The following ATF6 variants were observed in gnomAD, a reference collection of about 807,000 sequenced individuals.
ATF6 encodes the protein cyclic AMP-dependent transcription factor ATF-6 alpha.
ATF6 carries 53 observed loss-of-function variants against 83.6 expected under a neutral mutation model. That is an observed-to-expected ratio of 0.63 (90% CI 0.51 to 0.80). The LOEUF is 0.80. Ranked by LOEUF, ATF6 falls within the 30% of genes least tolerant of loss-of-function variation. The pLI is 0.00. For synonymous variants in ATF6, 288 were observed against 285.8 expected, an observed-to-expected ratio of 1.01 and a Z score of -0.08; for missense variants, 744 against 797.9, an observed-to-expected ratio of 0.93 and a Z score of 0.81.
Position 161,961,672 on chromosome 1 carries a change from G to A in ATF6, c.*3018G>A, listed in dbSNP as rs965730256. On this transcript the variant is annotated 3_prime_UTR_variant, in exon 16 of 16. Coordinates refer to ENST00000367942, the MANE Select transcript of ATF6 (RefSeq NM_007348.4). ...TATTTATTAAATTTTAAACAGGATT[G>A]TGCAAGCTTATGAGACAATTAGATA... 2 of 151,226 alleles carry A rather than the reference G, an allele frequency of 1.3e-5. No homozygotes were observed. Among genetic ancestry groups the A allele is most frequent in the African/African-American group, 2.4e-5 (1 of 41,148 alleles). The allele number at this position is 151,226 out of a possible 1,614,324, so 9.4% of individuals were successfully genotyped here. A position where few individuals can be genotyped will look rare whatever the true frequency, so the allele number is the denominator to read the frequency against.
intron 14 of ATF6, among the ~76,000 whole-genome samples, chr1:161,895,201 C>A (rs1687648912): frequency 6.6e-6 from 1 of 152,146 alleles, no homozygotes; most frequent in African/African-American, 2.4e-5. Context: ...CATGCCACTG[C>A]ACTCCAGCTT....
Position 161,928,619 on chromosome 1 carries a change from C to CT in ATF6, c.1804+16247dup, listed in dbSNP as rs77570576. 6.4e-3 allele frequency among the ~76,000 whole-genome samples: 888 copies of CT among 138,060 alleles called. 2 individuals carry two copies. Among genetic ancestry groups the CT allele is most frequent in the African/African-American group, 0.015 (575 of 39,620 alleles). The allele number at this position is 138,060 out of a possible 152,430, so 90.6% of individuals were successfully genotyped here. ...CCATGACATTTAAATATACAAAAGC[C>CT]TTTTTTTTAAAAAAAAAAGCATTTT... On this transcript the variant is annotated intron_variant, in intron 15 of 15. Transcript: ENST00000367942.
At chr1:161,912,212 T>C in intron 14 of ATF6, 84 bp from the exon 15 acceptor site, 1 of 768,224 alleles carries the variant, frequency 1.3e-6, no homozygotes, top group Non-Finnish European at 2.0e-6. Flanking sequence ...AACGAAATAT[T>C]GACCTCTTAG....
intron 3 of ATF6, 140 bp downstream of exon 3, chr1:161,782,139 A>G: frequency 1.7e-6 from 1 of 587,370 alleles, no homozygotes; most frequent in Non-Finnish European, 2.9e-6. Context: ...TACTTCTGGT[A>G]TGGCAATTAT....
intron 9 of ATF6, among the ~76,000 whole-genome samples, chr1:161,822,113 A>G (rs990573667): frequency 5.3e-5 from 8 of 152,192 alleles, no homozygotes; most frequent in Non-Finnish European, 8.8e-5. Context: ...TATTTTAAGT[A>G]TAGGAAGTTT....
At chr1:161,873,385 A>G (rs187441729) in intron 14 of ATF6, among the ~76,000 whole-genome samples, 6 of 151,672 alleles carry the variant, frequency 4.0e-5, no homozygotes, top group African/African-American at 1.4e-4. Context: ...ATGTCACAAA[A>G]CTTAATTATG....
intron 14 of ATF6, among the ~76,000 whole-genome samples, chr1:161,885,848 T>A (rs1236014833): frequency 6.6e-6 from 1 of 152,156 alleles, no homozygotes; most frequent in African/African-American, 2.4e-5. Flanking sequence ...AATCCAAAAT[T>A]TCATACTGGG....
intron 9 of ATF6, among the ~76,000 whole-genome samples, chr1:161,843,986 A>G (rs1276819052): frequency 6.6e-6 from 1 of 152,210 alleles, no homozygotes; most frequent in African/African-American, 2.4e-5. Flanking sequence ...TGGGATAGGA[A>G]GAGAAGCAAA....
chr1:161,912,712 A>G (rs1350185378), intron 15 of ATF6, among the ~76,000 whole-genome samples: 2 of 152,168 alleles, frequency 1.3e-5, no homozygotes, highest in Non-Finnish European at 2.9e-5. Context: ...GAATTTGTAA[A>G]TTAGATTTTT....
At chr1:161,890,030 CA>C (rs1437039441) in intron 14 of ATF6, among the ~76,000 whole-genome samples, 1 of 152,118 alleles carries the variant, frequency 6.6e-6, no homozygotes, top group Non-Finnish European at 1.5e-5. Flanking sequence ...TACACACATA[CA>C]AATTATTTTT....
rs144474784 is a variant in ATF6 at position 161,900,334 on chromosome 1, C to T, written c.1720-11962C>T. On this transcript the variant is annotated intron_variant, in intron 14 of 15. Coordinates refer to ENST00000367942, the MANE Select transcript of ATF6 (RefSeq NM_007348.4). Reference sequence around the variant, plus strand: ...TTTCGCTTAAAGAATTTATGGACGACGTGAGGAATAGTACTCAACTTTTGC... The same window carrying T: ...TTTCGCTTAAAGAATTTATGGACGATGTGAGGAATAGTACTCAACTTTTGC... Among the ~76,000 whole-genome samples the T allele has an allele frequency of 1.7e-3, 264 of 152,018 alleles. 1 individual carries two copies. The highest frequency in any genetic ancestry group is 0.015 in the Admixed American group (231 of 15,254).
chr1:161,837,101 T>G (rs948567805), intron 9 of ATF6, among the ~76,000 whole-genome samples: 1 of 152,214 alleles, frequency 6.6e-6, no homozygotes, highest in Non-Finnish European at 1.5e-5. Context: ...GCTGTGTAAG[T>G]GCTGCAGAAC....
rs529018288 is a variant in ATF6 at position 161,853,294 on chromosome 1, A to G, written c.1504A>G (p.Asn502Asp). 2.5e-6 allele frequency: 4 copies of G among 1,613,706 alleles called. No individual in the cohort carries two copies. The highest frequency in any genetic ancestry group is 1.7e-5 in the Admixed American group (1 of 60,018). Reference sequence around the variant, plus strand: ...AAGGACCAAGTCAAGAAGAATGACAAATAATCAACAGAAAACCCGTATTCT... The same window carrying G: ...AAGGACCAAGTCAAGAAGAATGACAGATAATCAACAGAAAACCCGTATTCT... The part of the protein sequence containing the change: ...VERTKSRRMT[N>D]NQQKTRILQG... The change falls in exon 12 of 16, where the codon AAT becomes GAT. Residue 502 changes from asparagine to aspartate, a missense_variant. Transcript: ENST00000367942.
chr1:161,940,254 C>G (rs1355765138), intron 15 of ATF6, among the ~76,000 whole-genome samples: 2 of 152,192 alleles, frequency 1.3e-5, no homozygotes, highest in Non-Finnish European at 2.9e-5. Flanking sequence ...GATCTATCTT[C>G]CACATTACCA....
chr1:161,778,238 C>T lies in ATF6; in HGVS notation c.83-6C>T, dbSNP rs777351979. The T allele has an allele frequency of 5.0e-6, 8 of 1,611,110 alleles. No individual in the cohort carries two copies. The South Asian group carries it at 6.6e-5, about 13-fold the overall frequency. On this transcript the variant is annotated splice_polypyrimidine_tract_variant and splice_region_variant and intron_variant, in intron 1 of 15. Transcript: ENST00000367942. Reference sequence around the variant, plus strand: ...GTTCATTTCTATTCTTTTCCTTTGTCCAAAGATTCTGCTCTCTTTGCTGAA... The same window carrying T: ...GTTCATTTCTATTCTTTTCCTTTGTTCAAAGATTCTGCTCTCTTTGCTGAA...
At chr1:161,912,976 C>G (rs1688021231) in intron 15 of ATF6, among the ~76,000 whole-genome samples, 1 of 152,010 alleles carries the variant, frequency 6.6e-6, no homozygotes. Flanking sequence ...TCACTGTACT[C>G]CAAAGAGAAA....
intron 1 of ATF6, among the ~76,000 whole-genome samples, chr1:161,776,947 G>T (rs949015869): frequency 2.6e-5 from 4 of 152,192 alleles, no homozygotes; most frequent in Admixed American, 6.5e-5. Context: ...GGAAGAACCA[G>T]CAAGGTAGGT....
At chr1:161,946,621 G>A (rs1157300348) in intron 15 of ATF6, among the ~76,000 whole-genome samples, 1 of 152,150 alleles carries the variant, frequency 6.6e-6, no homozygotes, top group African/African-American at 2.4e-5. Flanking sequence ...AAGCCCTTGG[G>A]GGATGGAGCA....
Position 161,956,855 on chromosome 1 carries a change from G to A in ATF6, c.1805-1591G>A, listed in dbSNP as rs188768804. Among the ~76,000 whole-genome samples, 4 of 152,268 alleles carry A rather than the reference G, an allele frequency of 2.6e-5. No homozygotes were observed. The East Asian group carries it at 7.7e-4, about 29-fold the overall frequency. On this transcript the variant is annotated intron_variant, in intron 15 of 15. Coordinates refer to ENST00000367942, the MANE Select transcript of ATF6 (RefSeq NM_007348.4). ...CAAGACACTTAGAATTGATAGATTA[G>A]ATCTGTCTAATAATTTTTAACTCTT...
Sources: gnomAD v4.1 joint callset for allele counts (sites outside exome capture counted in the v4.1 genomes callset) on GRCh38, gnomAD v4.1.1 for gene constraint, MANE v1.5 for transcripts, NCBI Gene and HGNC (gene_info 2026-07-23, HGNC 2026-07-21) for gene names.